The following ADGRL2 variants were observed in gnomAD, a reference collection of about 807,000 sequenced individuals.
ADGRL2 encodes adhesion G protein-coupled receptor L2.
Under a neutral mutation model 157.4 loss-of-function variants are expected in ADGRL2, and 44 were observed. The observed-to-expected ratio is 0.28, with a 90% CI of 0.22 to 0.36. The LOEUF is 0.36. Ranked by LOEUF, ADGRL2 falls within the 10% of genes least tolerant of loss-of-function variation. ADGRL2 has a pLI of 1.00. For missense variants in ADGRL2, 1,510 were observed against 1,768.9 expected (o/e 0.85, Z 2.63); for synonymous variants, 585 against 624.7 (o/e 0.94, Z 0.95).
At chr1:81,352,871 ACT>A (rs1663009480) in intron 1 of ADGRL2, among the ~76,000 whole-genome samples, 1 of 152,116 alleles carries the variant, frequency 6.6e-6, no homozygotes, top group Non-Finnish European at 1.5e-5. Flanking sequence ...GAGTCAATTA[ACT>A]CTATTGAAGG....
At chr1:81,616,679 C>CTTTTCTTTTTTT (rs1491482868) in intron 3 of ADGRL2, among the ~76,000 whole-genome samples, 57 of 105,952 alleles carry the variant, frequency 5.4e-4, no homozygotes, top group East Asian at 5.6e-4. Context: ...CTTTTCTTTT[C>CTTTTCTTTTTTT]TTTTTTTTTT....
intron 1 of ADGRL2, among the ~76,000 whole-genome samples, chr1:81,824,363 C>T (rs893797731): frequency 2.6e-5 from 4 of 152,272 alleles, no homozygotes; most frequent in South Asian, 4.2e-4. Flanking sequence ...TAGCGTGGAA[C>T]TCCTGGGCTC....
chr1:81,630,006 GAA>G (rs1491562923), intron 3 of ADGRL2, among the ~76,000 whole-genome samples: 3 of 151,344 alleles, frequency 2.0e-5, no homozygotes, highest in African/African-American at 4.9e-5. Context: ...ATGTATATAT[GAA>G]TATATATATA....
intron 1 of ADGRL2, among the ~76,000 whole-genome samples, chr1:81,429,295 A>T (rs1409146942): frequency 1.3e-5 from 2 of 152,064 alleles, no homozygotes; most frequent in Non-Finnish European, 2.9e-5. Flanking sequence ...TTTAACTTAA[A>T]TATCCAAGAT....
intron 2 of ADGRL2, among the ~76,000 whole-genome samples, chr1:81,897,630 A>G (rs2094415593): frequency 6.6e-6 from 1 of 152,176 alleles, no homozygotes; most frequent in Non-Finnish European, 1.5e-5. Context: ...AAGTAGTAGT[A>G]TTTGAAACTA....
chr1:81,615,047 A>G lies in ADGRL2; in HGVS notation c.-143+34067A>G, dbSNP rs964933395. Among the ~76,000 whole-genome samples, 17 of 152,086 alleles carry G rather than the reference A, an allele frequency of 1.1e-4. 2 individuals carry two copies. Among genetic ancestry groups the G allele is most frequent in the Admixed American group, 8.5e-4 (13 of 15,268 alleles). ...ATAAAGTAAAATAAAATAAAAACAG[A>G]TATCAGTAAACCAAAAAGCAGTGAA... On this transcript the variant is annotated intron_variant, in intron 3 of 24. Transcript: ENST00000370721.
At chr1:81,679,381 C>T (rs1444726934) in intron 3 of ADGRL2, among the ~76,000 whole-genome samples, 1 of 149,792 alleles carries the variant, frequency 6.7e-6, no homozygotes, top group Non-Finnish European at 1.5e-5. Context: ...GAGGACAGGT[C>T]TTCCAGCTTC....
intron 1 of ADGRL2, among the ~76,000 whole-genome samples, chr1:81,337,875 C>G (rs537684734): frequency 6.6e-6 from 1 of 152,198 alleles, no homozygotes; most frequent in Non-Finnish European, 1.5e-5. Context: ...TTTGCTGAAG[C>G]CTTCAGTCAA....
intron 1 of ADGRL2, among the ~76,000 whole-genome samples, chr1:81,712,546 A>G (rs2083964882): frequency 6.6e-6 from 1 of 152,164 alleles, no homozygotes; most frequent in Admixed American, 6.5e-5. Context: ...ACTGAGGATC[A>G]GAGACATTAA....
intron 1 of ADGRL2, among the ~76,000 whole-genome samples, chr1:81,377,291 T>C (rs1356315135): frequency 3.3e-5 from 5 of 152,162 alleles, no homozygotes; most frequent in Non-Finnish European, 7.4e-5. Flanking sequence ...TATTGTGAGA[T>C]TACTCTGAAA....
chr1:81,629,471 T>A (rs779317705), intron 3 of ADGRL2, among the ~76,000 whole-genome samples: 1 of 151,862 alleles, frequency 6.6e-6, no homozygotes, highest in Non-Finnish European at 1.5e-5. Context: ...CAAAAAAAAA[T>A]GAATAGAACA....
chr1:81,952,500 C>T (rs564449180), intron 9 of ADGRL2, among the ~76,000 whole-genome samples: 11 of 152,216 alleles, frequency 7.2e-5, no homozygotes, highest in African/African-American at 2.6e-4. Flanking sequence ...CTTATAGTTG[C>T]AGCAAAATTT....
intron 3 of ADGRL2, among the ~76,000 whole-genome samples, chr1:81,659,176 C>G (rs191565418): frequency 3.3e-4 from 49 of 149,274 alleles, no homozygotes; most frequent in African/African-American, 1.2e-3. Context: ...ATTCTCCTGT[C>G]TCAGCTTCCC....
chr1:81,843,555 C>T (rs540607790), intron 2 of ADGRL2, among the ~76,000 whole-genome samples: 28 of 152,214 alleles, frequency 1.8e-4, no homozygotes, highest in Admixed American at 5.2e-4. Context: ...CCATAGGTAG[C>T]GATAATTCGG....
chr1:81,919,559 T>C (rs1250531665), intron 3 of ADGRL2, among the ~76,000 whole-genome samples: 1 of 152,082 alleles, frequency 6.6e-6, no homozygotes. Flanking sequence ...GAAAGCTTTT[T>C]TTTTTTAAGT....
chr1:81,987,391 CA>C lies in ADGRL2; in HGVS notation c.3637+366del, dbSNP rs769812457. 2.5e-6 allele frequency: 3 copies of C among 1,207,174 alleles called. No homozygotes were observed. In the African/African-American group the frequency reaches 4.5e-5, roughly 18 times the overall value. 74.8% of individuals were successfully genotyped at this position (1,207,174 alleles called of 1,614,324 possible). A position where few individuals can be genotyped will look rare whatever the true frequency, so the allele number is the denominator to read the frequency against. ...TTCAGTTAATTCTAAAGCTTGCTGA[CA>C]AAATTTGCTTCTGGAATGAATTAGC... is the stretch of plus-strand genomic sequence containing the variant. On this transcript the variant is annotated intron_variant, in intron 22 of 23. Transcript: ENST00000686636.
At chr1:81,738,673 T>G (rs1489588384) in intron 1 of ADGRL2, among the ~76,000 whole-genome samples, 1 of 152,204 alleles carries the variant, frequency 6.6e-6, no homozygotes, top group East Asian at 1.9e-4. Context: ...CAGTTTGGCC[T>G]CTCCCTATTC....
In ADGRL2 at chr1:81,493,187, C is replaced by G. The variant is rs116198492; in HGVS notation, c.-248+48098C>G. On this transcript the variant is annotated intron_variant, in intron 2 of 24. Transcript: ENST00000370721. Reference sequence around the variant, plus strand: ...TGTATTTCAGGAGAAAAGAAATTATCAAACAAATGTACCCCACTCCCGCCC... The same window carrying G: ...TGTATTTCAGGAGAAAAGAAATTATGAAACAAATGTACCCCACTCCCGCCC... Among the ~76,000 whole-genome samples, 340 of 152,268 alleles carry G rather than the reference C, an allele frequency of 2.2e-3. 1 individual carries two copies. The highest frequency in any genetic ancestry group is 8.0e-3 in the African/African-American group (331 of 41,554).
intron 2 of ADGRL2, among the ~76,000 whole-genome samples, chr1:81,519,010 T>C (rs181524147): frequency 1.3e-4 from 20 of 152,300 alleles, no homozygotes; most frequent in Admixed American, 9.2e-4. Flanking sequence ...CATTTCCCTA[T>C]GTATTTACTC....
Sources: gnomAD v4.1 joint callset for allele counts (sites outside exome capture counted in the v4.1 genomes callset) on GRCh38, gnomAD v4.1.1 for gene constraint, MANE v1.5 for transcripts, NCBI Gene and HGNC (gene_info 2026-07-23, HGNC 2026-07-21) for gene names.